C8orf34: variants seen among roughly 807,000 people sequenced by gnomAD.
C8orf34 encodes the protein chromosome 8 open reading frame 34.
A neutral mutation model predicts 68.3 loss-of-function variants in C8orf34; 65 were observed. The ratio of observed to expected loss-of-function variants is 0.95; its 90% CI spans 0.78 to 1.17. The LOEUF (loss-of-function observed/expected upper bound fraction) is 1.17, where lower values mean the gene tolerates loss of function less well. C8orf34 is among the 50% of genes most tolerant of loss of function. The probability of loss-of-function intolerance (pLI) is 0.00; values close to 1 mark genes in which losing one functional copy is unlikely to be tolerated. For missense variants in C8orf34, 664 were observed against 655.4 expected (o/e 1.01, Z -0.14); for synonymous variants, 244 against 241.2 (o/e 1.01, Z -0.11).
chr8:68,786,393 A>G (rs755075298), intron 11 of C8orf34, among the ~76,000 whole-genome samples: 23 of 152,190 alleles, frequency 1.5e-4, no homozygotes, highest in Non-Finnish European at 2.9e-4. Context: ...CTAGGAATGC[A>G]TAGGTGAAAA....
At chr8:68,493,152 T>C (rs7840548) in intron 5 of C8orf34, among the ~76,000 whole-genome samples, 2,714 of 152,294 alleles carry the variant, frequency 0.018, 82 homozygotes, top group African/African-American at 0.062. Context: ...AAAGATGCTG[T>C]ATAATGTAGG....
At chr8:68,674,352 T>C (rs1412682477) in intron 8 of C8orf34, among the ~76,000 whole-genome samples, 5 of 152,142 alleles carry the variant, frequency 3.3e-5, no homozygotes, top group Non-Finnish European at 5.9e-5. Context: ...ATATGATCTT[T>C]CAGACAAAGA....
At chr8:68,546,656 A>G (rs905113992) in intron 7 of C8orf34, among the ~76,000 whole-genome samples, 1 of 151,928 alleles carries the variant, frequency 6.6e-6, no homozygotes, top group African/African-American at 2.4e-5. Context: ...TTATAGTACA[A>G]TATGCCAAAC....
At chr8:68,645,674 A>G (rs766962375) in intron 8 of C8orf34, among the ~76,000 whole-genome samples, 4 of 152,182 alleles carry the variant, frequency 2.6e-5, no homozygotes, top group African/African-American at 4.8e-5. Flanking sequence ...ACAATACTAT[A>G]ATGCTAAGAT....
At chr8:68,739,854 T>G (rs1822230477) in intron 10 of C8orf34, among the ~76,000 whole-genome samples, 2 of 152,074 alleles carry the variant, frequency 1.3e-5, no homozygotes, top group South Asian at 4.1e-4. Flanking sequence ...CTACCTGACT[T>G]CAAACTATAC....
intron 10 of C8orf34, among the ~76,000 whole-genome samples, chr8:68,768,918 T>C (rs1823261014): frequency 1.3e-5 from 2 of 152,196 alleles, no homozygotes; most frequent in Non-Finnish European, 1.5e-5. Context: ...AGTATATTAC[T>C]TCATTCTTCT....
chr8:68,456,549 T>A (rs545177370), intron 3 of C8orf34, among the ~76,000 whole-genome samples: 29 of 152,176 alleles, frequency 1.9e-4, no homozygotes, highest in Non-Finnish European at 3.7e-4. Context: ...CTAGCCCTTA[T>A]GTAATATTAA....
chr8:68,734,246 T>C (rs1822063927), intron 10 of C8orf34, among the ~76,000 whole-genome samples: 1 of 152,104 alleles, frequency 6.6e-6, no homozygotes, highest in South Asian at 2.1e-4. Context: ...GGGTCTGTTG[T>C]TCCAGGAGAA....
At chr8:68,802,377 G>T (rs969709150) in intron 12 of C8orf34, among the ~76,000 whole-genome samples, 1 of 152,146 alleles carries the variant, frequency 6.6e-6, no homozygotes, top group Non-Finnish European at 1.5e-5. Flanking sequence ...TGGGATTACA[G>T]GCGTGAGCCA....
At chr8:68,482,302 C>T (rs766732977) in intron 4 of C8orf34, among the ~76,000 whole-genome samples, 1 of 152,166 alleles carries the variant, frequency 6.6e-6, no homozygotes, top group Non-Finnish European at 1.5e-5. Flanking sequence ...TTTTTGTTCC[C>T]AGTTTCAGGT....
intron 3 of C8orf34, among the ~76,000 whole-genome samples, chr8:68,458,199 G>A (rs538145124): frequency 5.9e-5 from 9 of 152,290 alleles, no homozygotes; most frequent in Non-Finnish European, 1.0e-4. Context: ...CCAAGGAAAT[G>A]TTCTTGGGTA....
intron 7 of C8orf34, among the ~76,000 whole-genome samples, chr8:68,576,640 G>C (rs1816914758): frequency 6.7e-6 from 1 of 148,534 alleles, no homozygotes; most frequent in African/African-American, 2.6e-5. Flanking sequence ...CAAGCACATT[G>C]CTAAATGCAT....
intron 8 of C8orf34, among the ~76,000 whole-genome samples, chr8:68,700,756 G>A (rs79180571): frequency 0.01 from 1,551 of 152,108 alleles, 33 homozygotes; most frequent in African/African-American, 0.036. Flanking sequence ...ATAAATTTTT[G>A]ATGTTGGTGA....
intron 8 of C8orf34, among the ~76,000 whole-genome samples, chr8:68,655,225 T>TA (rs1218437139): frequency 1.3e-5 from 2 of 152,162 alleles, no homozygotes; most frequent in African/African-American, 4.8e-5. Context: ...TCTAAACTCT[T>TA]ACAATAATCA....
chr8:68,443,591 A>G (rs1811001593), intron 2 of C8orf34, among the ~76,000 whole-genome samples: 1 of 151,162 alleles, frequency 6.6e-6, no homozygotes, highest in Non-Finnish European at 1.5e-5. Context: ...TATTTTTAGT[A>G]GAGATGGGGT....
At chr8:68,544,755 TTTTAAAAACCA>T (rs1815815560) in intron 7 of C8orf34, among the ~76,000 whole-genome samples, 1 of 152,064 alleles carries the variant, frequency 6.6e-6, no homozygotes, top group Non-Finnish European at 1.5e-5. Flanking sequence ...GTATCCAAAA[TTTTAAAAACCA>T]TTTTGTAAGA....
Position 68,425,311 on chromosome 8 carries a change from G to A in C8orf34, c.328-14188G>A, listed in dbSNP as rs182557868. 9.2e-5 allele frequency among the ~76,000 whole-genome samples: 14 copies of A among 152,184 alleles called. 1 individual carries two copies. Among genetic ancestry groups the A allele is most frequent in the African/African-American group, 3.4e-4 (14 of 41,534 alleles). On this transcript the variant is annotated intron_variant, in intron 1 of 13. Transcript: ENST00000518698. ...AGTAAGGCAATAAAAAGTAATAGAA[G>A]GCATACAGATTTGAATGGGATAAAT...
intron 6 of C8orf34, among the ~76,000 whole-genome samples, chr8:68,529,560 A>AT (rs766401263): frequency 3.9e-5 from 6 of 152,342 alleles, no homozygotes; most frequent in Admixed American, 3.3e-4. Flanking sequence ...ATAATGATGT[A>AT]GAAATACTGA....
chr8:68,623,584 T>A (rs1818449450), intron 7 of C8orf34, among the ~76,000 whole-genome samples: 1 of 152,212 alleles, frequency 6.6e-6, no homozygotes, highest in South Asian at 2.1e-4. Context: ...CTGAACAAAG[T>A]ACCATGGACT....
Sources: allele counts gnomAD v4.1 joint callset (sites outside exome capture counted in the v4.1 genomes callset), GRCh38; gene constraint gnomAD v4.1.1; transcripts MANE v1.5; gene names NCBI Gene and HGNC (gene_info 2026-07-23, HGNC 2026-07-21).